MED27: variants seen among roughly 807,000 people sequenced by gnomAD.
The protein encoded by MED27 is mediator of RNA polymerase II transcription subunit 27.
MED27 carries 30 observed loss-of-function variants against 38.2 expected under a neutral mutation model. That is an observed-to-expected ratio of 0.79 (90% CI 0.59 to 1.07). MED27 has a LOEUF of 1.07. Ranked by LOEUF, MED27 falls within the 50% of genes least tolerant of loss-of-function variation. The pLI, the probability that MED27 is intolerant of heterozygous loss-of-function variation, is 0.00. For synonymous variants in MED27, 122 were observed against 153.5 expected, an observed-to-expected ratio of 0.79 and a Z score of 1.52; for missense variants, 289 against 397.5, an observed-to-expected ratio of 0.73 and a Z score of 2.32.
At chr9:131,914,021 T>C (rs1830239184) in intron 4 of MED27, among the ~76,000 whole-genome samples, 1 of 152,154 alleles carries the variant, frequency 6.6e-6, no homozygotes, top group Non-Finnish European at 1.5e-5. Context: ...GGAAATATGA[T>C]AAGTAACAAG....
chr9:132,021,265 C>A (rs1221083700), intron 2 of MED27, among the ~76,000 whole-genome samples: 2 of 152,150 alleles, frequency 1.3e-5, no homozygotes, highest in Non-Finnish European at 2.9e-5. Flanking sequence ...GGACTTTCTC[C>A]ACAACTGCTC....
At chr9:132,011,205 A>G (rs1332316628) in intron 3 of MED27, among the ~76,000 whole-genome samples, 2 of 152,146 alleles carry the variant, frequency 1.3e-5, no homozygotes, top group East Asian at 3.8e-4. Flanking sequence ...CTTTTTGGAG[A>G]TTATTTTGCT....
At position 131,860,380 on chromosome 9, in the gene MED27, C is replaced by T. The variant is rs1838631564; in HGVS notation, c.*158G>A. ...TCCCATCAGCCACAGAGGGAGTCTG[C>T]TCTTCAAGAGTGGCCTCTGCACACA... is the stretch of plus-strand genomic sequence containing the variant. On this transcript the variant is annotated 3_prime_UTR_variant, in exon 8 of 8. Coordinates refer to ENST00000292035, the MANE Select transcript of MED27 (RefSeq NM_004269.4). This position sits in a 1 kb window ranked among gnomAD's most constrained non-coding sequence, Gnocchi z 5.8. 4 of 787,048 alleles carry T rather than the reference C, an allele frequency of 5.1e-6. No homozygotes were observed. Among genetic ancestry groups the T allele is most frequent in the Non-Finnish European group, 7.5e-6 (4 of 536,908 alleles). 48.8% of individuals were successfully genotyped at this position (787,048 alleles called of 1,614,324 possible).
chr9:131,872,203 G>A lies in MED27; in HGVS notation c.724-9063C>T, dbSNP rs1194917731. On this transcript the variant is annotated intron_variant, in intron 6 of 7. Transcript: ENST00000292035. The surrounding 1 kb of genome is among the most constrained non-coding windows in gnomAD (Gnocchi z 5.6). ...GATTTTGGGTGCAGGTTCAAGGGCC[G>A]CTGCGGGCCACTGCCTGCTTCCCAC... Among the ~76,000 whole-genome samples, 1 of 152,216 alleles carries A rather than the reference G, an allele frequency of 6.6e-6. No individual in the cohort carries two copies. Among genetic ancestry groups the A allele is most frequent in the Non-Finnish European group, 1.5e-5 (1 of 68,032 alleles).
At chr9:132,007,478 C>T (rs888948913) in intron 3 of MED27, among the ~76,000 whole-genome samples, 9 of 152,220 alleles carry the variant, frequency 5.9e-5, no homozygotes, top group African/African-American at 1.9e-4. Flanking sequence ...TCCACTTATA[C>T]AGAAGTTCCA....
chr9:132,075,229 G>A (rs1028742184), intron 2 of MED27, among the ~76,000 whole-genome samples: 3 of 152,166 alleles, frequency 2.0e-5, no homozygotes, highest in African/African-American at 7.2e-5. Context: ...CATTGAACCA[G>A]GTCAGGAAAC....
chr9:131,988,780 T>C (rs947304546), intron 3 of MED27, among the ~76,000 whole-genome samples: 2 of 152,188 alleles, frequency 1.3e-5, no homozygotes, highest in Non-Finnish European at 2.9e-5. Context: ...GCCCAGCTAA[T>C]TGACTGTTTT....
At chr9:131,963,098 A>G (rs1831252118) in intron 3 of MED27, among the ~76,000 whole-genome samples, 1 of 152,240 alleles carries the variant, frequency 6.6e-6, no homozygotes, top group Non-Finnish European at 1.5e-5. Flanking sequence ...ATATTAAAGC[A>G]TAATGTTCAG....
chr9:131,893,011 T>C (rs1013971636), intron 5 of MED27, among the ~76,000 whole-genome samples: 12 of 152,382 alleles, frequency 7.9e-5, no homozygotes, highest in South Asian at 6.2e-4. Context: ...TCACGGGCTG[T>C]GCTTCTTATG....
chr9:131,871,190 C>A (rs1197217312), intron 6 of MED27, among the ~76,000 whole-genome samples: 1 of 152,180 alleles, frequency 6.6e-6, no homozygotes, highest in Non-Finnish European at 1.5e-5. Flanking sequence ...CTACCATACA[C>A]CCCACATTCG....
intron 2 of MED27, among the ~76,000 whole-genome samples, chr9:132,059,790 G>A (rs1370486159): frequency 1.3e-5 from 2 of 152,166 alleles, no homozygotes; most frequent in African/African-American, 4.8e-5. Flanking sequence ...CAACTTCCTC[G>A]CTTGGTATTA....
intron 3 of MED27, among the ~76,000 whole-genome samples, chr9:131,949,025 G>A (rs1337561907): frequency 6.6e-6 from 1 of 152,194 alleles, no homozygotes; most frequent in Admixed American, 6.5e-5. Flanking sequence ...GCTACGGGGT[G>A]TCAAGTCGCC....
rs7025410 is a variant in MED27 at position 131,896,207 on chromosome 9, T to C, written c.574-2215A>G. 8.9e-3 allele frequency among the ~76,000 whole-genome samples: 1,353 copies of C among 152,300 alleles called. 19 individuals carry two copies. The highest frequency in any genetic ancestry group is 0.028 in the African/African-American group (1,168 of 41,550). ...CGAGCCACCACGCCCGGCCAAGTTA[T>C]AGTTTTGTAGTTACAGACACTGAAA... On this transcript the variant is annotated intron_variant, in intron 4 of 7. Transcript: ENST00000292035.
intron 4 of MED27, among the ~76,000 whole-genome samples, chr9:131,919,176 C>T (rs535792888): frequency 6.6e-6 from 1 of 152,276 alleles, no homozygotes; most frequent in South Asian, 2.1e-4. Flanking sequence ...GCCGTATTTA[C>T]ACGGAACTTG....
At chr9:131,984,338 G>A (rs1831804860) in intron 3 of MED27, among the ~76,000 whole-genome samples, 1 of 152,114 alleles carries the variant, frequency 6.6e-6, no homozygotes, top group Non-Finnish European at 1.5e-5. Flanking sequence ...GCAGGAGTCT[G>A]TTCACTCAAG....
intron 5 of MED27, among the ~76,000 whole-genome samples, chr9:131,892,687 G>T (rs564569872): frequency 6.6e-6 from 1 of 152,144 alleles, no homozygotes; most frequent in African/African-American, 2.4e-5. Flanking sequence ...CTCTGCGAGG[G>T]TATACACTAC....
intron 3 of MED27, among the ~76,000 whole-genome samples, chr9:131,989,856 TGTACTC>T (rs1218466527): frequency 1.3e-5 from 2 of 152,082 alleles, no homozygotes; most frequent in East Asian, 3.9e-4. Flanking sequence ...ATGATATAGC[TGTACTC>T]AAACACCTGC....
chr9:132,062,770 T>C (rs1339205181), intron 2 of MED27, among the ~76,000 whole-genome samples: 1 of 151,998 alleles, frequency 6.6e-6, no homozygotes, highest in Non-Finnish European at 1.5e-5. Context: ...GATTATCACA[T>C]ACCACCACAC....
At chr9:131,926,204 C>G (rs917840775) in intron 4 of MED27, among the ~76,000 whole-genome samples, 1 of 152,262 alleles carries the variant, frequency 6.6e-6, no homozygotes, top group Admixed American at 6.5e-5. Flanking sequence ...GCAAAAACTT[C>G]GTGTGGTCCA....
Sources: gnomAD v4.1 joint callset for allele counts (sites outside exome capture counted in the v4.1 genomes callset) on GRCh38, gnomAD v4.1.1 for gene constraint, Gnocchi (gnomAD v3.1) non-coding constraint, MANE v1.5 for transcripts, NCBI Gene and HGNC (gene_info 2026-07-23, HGNC 2026-07-21) for gene names.